The following PTPRG variants were observed in gnomAD, a reference collection of about 807,000 sequenced individuals.
PTPRG encodes protein tyrosine phosphatase receptor type G.
Under a neutral mutation model 165.3 loss-of-function variants are expected in PTPRG, and 102 were observed. That is an observed-to-expected ratio of 0.62 (90% CI 0.53 to 0.73). PTPRG has a LOEUF of 0.73. Among genes scored for constraint, PTPRG ranks in the 30% least tolerant of loss-of-function variants. The pLI is 0.00. For missense variants in PTPRG, 1,866 were observed against 1,861.4 expected, an observed-to-expected ratio of 1.00 and a Z score of -0.05; for synonymous variants, 675 against 669.5, an observed-to-expected ratio of 1.01 and a Z score of -0.13.
chr3:62,292,636 T>C lies in PTPRG; in HGVS notation c.4191+80T>C, dbSNP rs547884262. ...CACAGTTTAGAGCAGTAGTTCTCAA[T>C]TGGGGGTGATTTTGCCCCCCAGGGG... On this transcript the variant is annotated intron_variant, in intron 29 of 29. Transcript: ENST00000474889. 1.6e-4 allele frequency: 243 copies of C among 1,516,206 alleles called. 3 individuals are homozygous for C. The South Asian group carries it at 2.5e-3, about 16-fold the overall frequency. The allele number at this position is 1,516,206 out of a possible 1,614,324, so 93.9% of individuals were successfully genotyped here.
At position 61,971,744 on chromosome 3, in the gene PTPRG, A is replaced by C. The variant is rs1459717505; in HGVS notation, c.191-17881A>C. On this transcript the variant is annotated intron_variant, in intron 2 of 29. Coordinates refer to ENST00000474889, the MANE Select transcript of PTPRG (RefSeq NM_002841.4). Reference sequence around the variant, plus strand: ...AACTAGATTGTAGTGATGGTCGTACAACTCTGTAAATTTACTAAGAGTCAT... The same window carrying C: ...AACTAGATTGTAGTGATGGTCGTACCACTCTGTAAATTTACTAAGAGTCAT... 3.9e-5 allele frequency among the ~76,000 whole-genome samples: 6 copies of C among 152,270 alleles called. 1 individual carries two copies. The highest frequency in any genetic ancestry group is 1.5e-5 in the Non-Finnish European group (1 of 68,054).
intron 2 of PTPRG, chr3:61,751,035 A>G (rs1194988484): frequency 6.6e-6 from 1 of 152,242 alleles, no homozygotes; most frequent in Non-Finnish European, 1.5e-5. Context: ...AAATAAGAGT[A>G]AAAGAAGAAT....
At chr3:61,907,724 C>A (rs954519704) in intron 2 of PTPRG, among the ~76,000 whole-genome samples, 2 of 152,134 alleles carry the variant, frequency 1.3e-5, no homozygotes, top group Non-Finnish European at 2.9e-5. Flanking sequence ...TATCTGAAAT[C>A]GGACTGTCAG....
At chr3:62,114,873 C>T (rs1559523710) in intron 5 of PTPRG, among the ~76,000 whole-genome samples, 2 of 152,108 alleles carry the variant, frequency 1.3e-5, no homozygotes, top group Non-Finnish European at 2.9e-5. Flanking sequence ...CTCCTGGCCT[C>T]AAGCAATCCT....
intron 4 of PTPRG, among the ~76,000 whole-genome samples, chr3:62,056,230 AT>A (rs1389807904): frequency 6.6e-6 from 1 of 152,194 alleles, no homozygotes; most frequent in Admixed American, 6.5e-5. Context: ...TTGTCATGGA[AT>A]TGTAGATGTT....
At chr3:61,815,492 A>G (rs1238461451) in intron 2 of PTPRG, among the ~76,000 whole-genome samples, 3 of 152,216 alleles carry the variant, frequency 2.0e-5, no homozygotes, top group African/African-American at 7.2e-5. Context: ...ATGCAGTCTT[A>G]GAGATGGAAT....
chr3:61,954,940 G>A (rs2039998121), intron 2 of PTPRG, among the ~76,000 whole-genome samples: 1 of 152,194 alleles, frequency 6.6e-6, no homozygotes, highest in Non-Finnish European at 1.5e-5. Context: ...CATGTCCTGA[G>A]CAAGATGGGA....
intron 1 of PTPRG, among the ~76,000 whole-genome samples, chr3:61,656,612 T>A (rs1272720966): frequency 6.6e-6 from 1 of 152,232 alleles, no homozygotes; most frequent in African/African-American, 2.4e-5. Flanking sequence ...TATTCTTGGT[T>A]CGGCATTCTA....
chr3:62,263,849 C>CA (rs952789358), intron 17 of PTPRG: 8 of 152,026 alleles, frequency 5.3e-5, no homozygotes, highest in Non-Finnish European at 8.8e-5. Context: ...TCTGTCTCTA[C>CA]AAAAAATACT....
chr3:62,088,447 C>A (rs1044430043), intron 5 of PTPRG, among the ~76,000 whole-genome samples: 2 of 152,222 alleles, frequency 1.3e-5, no homozygotes, highest in Non-Finnish European at 2.9e-5. Context: ...CCTAAGAACT[C>A]CAGTAGTCCC....
At chr3:62,027,419 C>G (rs922125117) in intron 4 of PTPRG, among the ~76,000 whole-genome samples, 1 of 152,070 alleles carries the variant, frequency 6.6e-6, no homozygotes, top group African/African-American at 2.4e-5. Flanking sequence ...TCCTGCCACC[C>G]CACCATCCCC....
intron 2 of PTPRG, among the ~76,000 whole-genome samples, chr3:61,968,404 A>C (rs2040316392): frequency 6.6e-6 from 1 of 152,180 alleles, no homozygotes; most frequent in Non-Finnish European, 1.5e-5. Context: ...ATGGATATGA[A>C]GCCCATCTGT....
At position 61,699,182 on chromosome 3, in the gene PTPRG, T is replaced by TA. The variant is rs1165229688; in HGVS notation, c.86-49688dup. 3.3e-5 allele frequency among the ~76,000 whole-genome samples: 5 copies of TA among 151,860 alleles called. No individual in the cohort carries two copies. In the South Asian group the frequency reaches 6.3e-4, roughly 19 times the overall value. On this transcript the variant is annotated intron_variant, in intron 1 of 29. Coordinates refer to ENST00000474889, the MANE Select transcript of PTPRG (RefSeq NM_002841.4). ...ACTTAAAGTGTAATAATAACAAAAT[T>TA]AAAAAAAATTATTTTTCAGATGAGA... is the stretch of plus-strand genomic sequence containing the variant.
intron 1 of PTPRG, chr3:61,743,132 A>G: frequency 8.3e-7 from 1 of 1,206,812 alleles, no homozygotes; most frequent in Non-Finnish European, 1.2e-6. Flanking sequence ...GCTAACCGGA[A>G]AAGAGCGGGT....
intron 12 of PTPRG, among the ~76,000 whole-genome samples, chr3:62,215,528 C>T (rs1700474056): frequency 6.7e-6 from 1 of 149,098 alleles, no homozygotes. Context: ...TTCAGATAGG[C>T]TCCAACCCCC....
In PTPRG at chr3:61,760,577, A is replaced by G. The variant is rs552274084; in HGVS notation, c.190+11595A>G. 2.0e-5 allele frequency among the ~76,000 whole-genome samples: 3 copies of G among 152,308 alleles called. No individual in the cohort carries two copies. In the East Asian group the frequency reaches 5.8e-4, roughly 29 times the overall value. On this transcript the variant is annotated intron_variant, in intron 2 of 29. Coordinates refer to ENST00000474889, the MANE Select transcript of PTPRG (RefSeq NM_002841.4). ...TTGGTAGGGTTTTGGGATATGTATT[A>G]TACTCTGCAACCCATTCCTTTGTTT... is the stretch of plus-strand genomic sequence containing the variant.
chr3:62,103,926 G>T, intron 5 of PTPRG, among the ~76,000 whole-genome samples: 1 of 152,162 alleles, frequency 6.6e-6, no homozygotes, highest in East Asian at 1.9e-4. Flanking sequence ...CCTCTCACTC[G>T]CTATTCTCAC....
intron 28 of PTPRG, among the ~76,000 whole-genome samples, chr3:62,288,298 CAATA>C (rs1702748485): frequency 6.6e-6 from 1 of 151,908 alleles, no homozygotes; most frequent in South Asian, 2.1e-4. Context: ...AAAATTTAAG[CAATA>C]AATAGTTTAG....
chr3:61,567,809 C>A (rs1180545590), intron 1 of PTPRG, among the ~76,000 whole-genome samples: 2 of 151,756 alleles, frequency 1.3e-5, no homozygotes, highest in Non-Finnish European at 2.9e-5. Flanking sequence ...CATGGTGAGA[C>A]CTCATCTCTA....
Sources: allele counts gnomAD v4.1 joint callset (sites outside exome capture counted in the v4.1 genomes callset), GRCh38; gene constraint gnomAD v4.1.1; transcripts MANE v1.5; gene names NCBI Gene and HGNC (gene_info 2026-07-23, HGNC 2026-07-21).